AP1AR: variants seen among roughly 807,000 people sequenced by gnomAD.
The protein encoded by AP1AR is adaptor related protein complex 1 associated regulatory protein.
A neutral mutation model predicts 46.3 loss-of-function variants in AP1AR; 29 were observed. That is an observed-to-expected ratio of 0.63 (90% CI 0.47 to 0.85). AP1AR has a LOEUF of 0.85. Ranked by LOEUF, AP1AR falls within the 40% of genes least tolerant of loss-of-function variation. The pLI is 0.00. For missense variants in AP1AR, 357 were observed against 356.3 expected, an observed-to-expected ratio of 1.00 and a Z score of -0.02; for synonymous variants, 122 against 122.9, an observed-to-expected ratio of 0.99 and a Z score of 0.05.
chr4:112,262,871 G>A, intron 5 of AP1AR, 117 bp from the exon 6 acceptor site: 3 of 712,544 alleles, frequency 4.2e-6, no homozygotes, highest in Non-Finnish European at 7.2e-6. Context: ...ATGCTTTGTA[G>A]AGATCAATTA....
At chr4:112,246,239 C>T (rs1468338820) in intron 1 of AP1AR, among the ~76,000 whole-genome samples, 2 of 152,170 alleles carry the variant, frequency 1.3e-5, no homozygotes, top group Non-Finnish European at 2.9e-5. Flanking sequence ...GGTGTGGTGG[C>T]TCACACCTGT....
intron 1 of AP1AR, among the ~76,000 whole-genome samples, chr4:112,240,292 AGATGCC>A (rs1303452534): frequency 6.6e-6 from 1 of 152,136 alleles, no homozygotes; most frequent in Admixed American, 6.5e-5. Context: ...CTCATCTTGT[AGATGCC>A]AGCTTAAGAA....
chr4:112,259,561 C>G (rs1215205683), intron 4 of AP1AR, among the ~76,000 whole-genome samples: 2 of 151,956 alleles, frequency 1.3e-5, no homozygotes, highest in African/African-American at 4.8e-5. Flanking sequence ...AATTTCAGGA[C>G]TTGGCTGAAA....
intron 6 of AP1AR, 85 bp downstream of exon 6, chr4:112,263,171 C>G (rs963469030): frequency 6.6e-6 from 7 of 1,068,160 alleles, no homozygotes; most frequent in Non-Finnish European, 9.6e-6. Context: ...TCTTTTTTTC[C>G]TATTCTCAAG....
chr4:112,264,070 T>G (rs1343356811), intron 6 of AP1AR, among the ~76,000 whole-genome samples: 2 of 152,188 alleles, frequency 1.3e-5, no homozygotes, highest in African/African-American at 4.8e-5. Flanking sequence ...CCCCCAACTT[T>G]CCTTCATTTT....
Position 112,260,161 on chromosome 4 carries a change from G to A in AP1AR, c.186-605G>A, listed in dbSNP as rs1304490954. 4.6e-5 allele frequency among the ~76,000 whole-genome samples: 7 copies of A among 152,172 alleles called. No individual in the cohort carries two copies. The East Asian group carries it at 1.3e-3, about 29-fold the overall frequency. On this transcript the variant is annotated intron_variant, in intron 4 of 9. Coordinates refer to ENST00000274000, the MANE Select transcript of AP1AR (RefSeq NM_018569.6). ...CAGGGTCAGAATGTGAGTAAACCAA[G>A]TGAATATGGAATAATGATAGGAGTG... is the stretch of plus-strand genomic sequence containing the variant.
rs541286748 is a variant in AP1AR at position 112,242,534 on chromosome 4, T to G, written c.83+10360T>G. Among the ~76,000 whole-genome samples, 58 of 152,294 alleles carry G rather than the reference T, an allele frequency of 3.8e-4. No individual in the cohort carries two copies. In the South Asian group the frequency reaches 6.2e-3, roughly 16 times the overall value. ...CATCTGCATCTGGTAAGGTGCAGAC[T>G]GCTTCCACTAGTGGCAAAAGGTGAA... On this transcript the variant is annotated intron_variant, in intron 1 of 9. Transcript: ENST00000274000.
At chr4:112,241,868 A>G (rs1725514620) in intron 1 of AP1AR, among the ~76,000 whole-genome samples, 2 of 152,138 alleles carry the variant, frequency 1.3e-5, no homozygotes, top group South Asian at 4.1e-4. Context: ...CAGGCATTAG[A>G]TTTATAATCT....
intron 6 of AP1AR, among the ~76,000 whole-genome samples, chr4:112,263,886 C>T (rs916424773): frequency 4.6e-5 from 7 of 152,340 alleles, no homozygotes; most frequent in South Asian, 2.1e-4. Context: ...TCAAGCACAA[C>T]AGTGCTTAGC....
At chr4:112,260,591 G>C (rs1047438923) in intron 4 of AP1AR, among the ~76,000 whole-genome samples, 175 bp from the exon 5 acceptor site, 5 of 152,188 alleles carry the variant, frequency 3.3e-5, no homozygotes, top group Admixed American at 6.5e-5. Context: ...TAGAATAATA[G>C]CAAGTGTTAG....
chr4:112,251,693 C>T (rs1478552166), intron 1 of AP1AR, among the ~76,000 whole-genome samples: 2 of 152,126 alleles, frequency 1.3e-5, no homozygotes, highest in Non-Finnish European at 2.9e-5. Flanking sequence ...GAAGGTTCAA[C>T]TCATTTCTGT....
chr4:112,236,682 C>T (rs1040711917), intron 1 of AP1AR, among the ~76,000 whole-genome samples: 4 of 152,054 alleles, frequency 2.6e-5, no homozygotes, highest in Non-Finnish European at 5.9e-5. Flanking sequence ...ATTACAGGCA[C>T]GAGCCACTGC....
intron 2 of AP1AR, among the ~76,000 whole-genome samples, chr4:112,253,784 CAG>C (rs1304558113): frequency 6.6e-6 from 1 of 152,170 alleles, no homozygotes. Context: ...GATGAAAAAT[CAG>C]AGGCTTAGAC....
At chr4:112,266,797 T>G (rs762615107) in intron 9 of AP1AR, 81 bp downstream of exon 9, 20 of 1,309,368 alleles carry the variant, frequency 1.5e-5, no homozygotes, top group Non-Finnish European at 1.9e-5. Flanking sequence ...GGTCTTTATT[T>G]AAATGGAAAT....
chr4:112,272,283 CAG>C lies in AP1AR; in HGVS notation c.*3875_*3876del, dbSNP rs1726986545. Among the ~76,000 whole-genome samples the C allele has an allele frequency of 6.6e-6, 1 of 152,036 alleles. No homozygotes were observed. Among genetic ancestry groups the C allele is most frequent in the African/African-American group, 2.4e-5 (1 of 41,376 alleles). On this transcript the variant is annotated 3_prime_UTR_variant, in exon 10 of 10. Coordinates refer to ENST00000274000, the MANE Select transcript of AP1AR (RefSeq NM_018569.6). The stretch of plus-strand genomic sequence containing the variant: ...CCACAAAGACTGTGAGGGCTGGTGA[CAG>C]GGAAGGGAAAATCTAACAGGAGACA...
At chr4:112,259,422 G>A (rs1726344995) in intron 4 of AP1AR, among the ~76,000 whole-genome samples, 1 of 152,180 alleles carries the variant, frequency 6.6e-6, no homozygotes, top group Admixed American at 6.5e-5. Context: ...TCCCTCATAT[G>A]TATAATCCTT....
intron 1 of AP1AR, among the ~76,000 whole-genome samples, chr4:112,246,868 C>T (rs1453983293): frequency 6.6e-6 from 1 of 152,158 alleles, no homozygotes; most frequent in African/African-American, 2.4e-5. Flanking sequence ...TGAACTCTAC[C>T]AACATTTCTT....
chr4:112,240,147 GC>G (rs1725424693), intron 1 of AP1AR, among the ~76,000 whole-genome samples: 1 of 152,200 alleles, frequency 6.6e-6, no homozygotes, highest in Non-Finnish European at 1.5e-5. Context: ...TCTTAATGGA[GC>G]TTTCAAGGCT....
intron 1 of AP1AR, among the ~76,000 whole-genome samples, chr4:112,237,147 G>T (rs1725276573): frequency 6.6e-6 from 1 of 152,174 alleles, no homozygotes; most frequent in South Asian, 2.1e-4. Flanking sequence ...TTGCCCTGTT[G>T]CCCAAGCTGG....
Sources: gnomAD v4.1 joint callset for allele counts (sites outside exome capture counted in the v4.1 genomes callset) on GRCh38, gnomAD v4.1.1 for gene constraint, MANE v1.5 for transcripts, NCBI Gene and HGNC (gene_info 2026-07-23, HGNC 2026-07-21) for gene names.